AUTS2: variants seen among roughly 807,000 people sequenced by gnomAD.
AUTS2 encodes the protein activator of transcription and developmental regulator AUTS2, also known as autism susceptibility gene 2 protein.
AUTS2 carries 17 observed loss-of-function variants against 112.4 expected under a neutral mutation model. That is an observed-to-expected ratio of 0.15 (90% CI 0.10 to 0.23). The LOEUF (loss-of-function observed/expected upper bound fraction) is 0.23, where lower values mean the gene tolerates loss of function less well. Ranked by LOEUF, AUTS2 falls within the 10% of genes least tolerant of loss-of-function variation. AUTS2 has a pLI of 1.00. For missense variants in AUTS2, 1,510 were observed against 1,701.6 expected, an observed-to-expected ratio of 0.89 and a Z score of 1.98; for synonymous variants, 751 against 702.7, an observed-to-expected ratio of 1.07 and a Z score of -1.09.
At chr7:69,760,182 A>T (rs1399111168) in intron 1 of AUTS2, among the ~76,000 whole-genome samples, 1 of 150,000 alleles carries the variant, frequency 6.7e-6, no homozygotes, top group African/African-American at 2.5e-5. Context: ...ATTAAAAAAA[A>T]AAAGTTCTTT....
At chr7:69,997,386 T>C (rs926956242) in intron 2 of AUTS2, among the ~76,000 whole-genome samples, 1 of 152,206 alleles carries the variant, frequency 6.6e-6, no homozygotes, top group Non-Finnish European at 1.5e-5. Context: ...GAAATTAAAC[T>C]GACCATCTCA....
intron 1 of AUTS2, among the ~76,000 whole-genome samples, chr7:69,728,117 G>A (rs1786606916): frequency 2.6e-5 from 4 of 152,116 alleles, no homozygotes; most frequent in African/African-American, 4.8e-5. Context: ...GCCCCTACAC[G>A]AAAGAAATTG....
chr7:70,285,762 A>C (rs1788430241), intron 4 of AUTS2, among the ~76,000 whole-genome samples: 1 of 152,208 alleles, frequency 6.6e-6, no homozygotes, highest in Admixed American at 6.5e-5. Flanking sequence ...CCATTAGCAC[A>C]TGTATTCATT....
At chr7:70,175,905 C>T (rs1173929303) in intron 4 of AUTS2, among the ~76,000 whole-genome samples, 1 of 152,092 alleles carries the variant, frequency 6.6e-6, no homozygotes, top group African/African-American at 2.4e-5. Context: ...ACCAAAAGTT[C>T]ATGGGACTTG....
At chr7:70,538,829 T>A (rs1800428672) in intron 5 of AUTS2, among the ~76,000 whole-genome samples, 1 of 152,246 alleles carries the variant, frequency 6.6e-6, no homozygotes, top group Non-Finnish European at 1.5e-5. Flanking sequence ...ATAGATATGT[T>A]CTTTTCGTAG....
chr7:70,328,613 A>G (rs1790601457), intron 4 of AUTS2, among the ~76,000 whole-genome samples: 1 of 152,140 alleles, frequency 6.6e-6, no homozygotes, highest in South Asian at 2.1e-4. Context: ...GGTGGGCTAG[A>G]TGCTTGGAAG....
At chr7:69,747,635 A>T (rs527803873) in intron 1 of AUTS2, among the ~76,000 whole-genome samples, 2 of 152,278 alleles carry the variant, frequency 1.3e-5, no homozygotes, top group African/African-American at 4.8e-5. Context: ...TTTCAAATTC[A>T]GTTCTTTCTG....
intron 4 of AUTS2, among the ~76,000 whole-genome samples, chr7:70,164,316 C>T (rs1011759126): frequency 1.3e-5 from 2 of 152,000 alleles, no homozygotes; most frequent in Admixed American, 6.5e-5. Context: ...AAATGAAGTA[C>T]ATACTTTATT....
chr7:69,991,982 T>TA (rs1006829763), intron 2 of AUTS2, among the ~76,000 whole-genome samples: 1 of 152,232 alleles, frequency 6.6e-6, no homozygotes, highest in Non-Finnish European at 1.5e-5. Context: ...TGTGCATACT[T>TA]ATGTAAGTGT....
chr7:70,575,809 A>G (rs963349488), intron 5 of AUTS2, among the ~76,000 whole-genome samples: 4 of 152,162 alleles, frequency 2.6e-5, no homozygotes, highest in Non-Finnish European at 5.9e-5. Flanking sequence ...AGATACCATC[A>G]GGTTGTTGCG....
intron 5 of AUTS2, among the ~76,000 whole-genome samples, chr7:70,619,376 C>T (rs1057310550): frequency 1.1e-4 from 17 of 152,196 alleles, no homozygotes; most frequent in South Asian, 8.3e-4. Context: ...TGCGTGCAGC[C>T]GCTTCCTTTT....
At chr7:70,394,253 T>A (rs1305785905) in intron 4 of AUTS2, among the ~76,000 whole-genome samples, 1 of 152,212 alleles carries the variant, frequency 6.6e-6, no homozygotes, top group Admixed American at 6.5e-5. Context: ...CCAAAACTTA[T>A]CTTGAGTTTC....
rs34484649 is a variant in AUTS2 at position 70,088,527 on chromosome 7, C to CT, written c.523-29590dup. ...CCTGTATTCTACTTACTTTTGCTCT[C>CT]TTTTTTTTTTTTTTTAGTTTCTTAT... On this transcript the variant is annotated intron_variant, in intron 2 of 18. Coordinates refer to ENST00000342771, the MANE Select transcript of AUTS2 (RefSeq NM_015570.4). Among the ~76,000 whole-genome samples, 650 of 139,442 alleles carry CT rather than the reference C, an allele frequency of 4.7e-3. 8 individuals are homozygous for CT. Among genetic ancestry groups the CT allele is most frequent in the Non-Finnish European group, 5.7e-3 (363 of 64,054 alleles). The allele number at this position is 139,442 out of a possible 152,430, so 91.5% of individuals were successfully genotyped here.
chr7:70,505,510 C>T (rs1798926425), intron 5 of AUTS2, among the ~76,000 whole-genome samples: 1 of 152,216 alleles, frequency 6.6e-6, no homozygotes, highest in Non-Finnish European at 1.5e-5. Flanking sequence ...TGCACTTTCT[C>T]CTGGCCCCAT....
chr7:70,528,104 T>TATTA (rs1554421909), intron 5 of AUTS2, among the ~76,000 whole-genome samples: 4 of 121,082 alleles, frequency 3.3e-5, no homozygotes, highest in African/African-American at 1.4e-4. Flanking sequence ...TTTTTTTTTT[T>TATTA]TTTTTTTTTT....
chr7:70,064,808 C>T (rs1340666647), intron 2 of AUTS2, among the ~76,000 whole-genome samples: 3 of 152,148 alleles, frequency 2.0e-5, no homozygotes, highest in Admixed American at 2.0e-4. Context: ...CACTATTAGA[C>T]TTCCAAAACC....
intron 5 of AUTS2, among the ~76,000 whole-genome samples, chr7:70,440,462 A>G (rs1796081933): frequency 6.6e-6 from 1 of 152,150 alleles, no homozygotes. Context: ...CCTGGTCCAT[A>G]GTAACTGCTC....
intron 1 of AUTS2, among the ~76,000 whole-genome samples, chr7:69,858,579 G>A (rs1286911850): frequency 6.6e-6 from 1 of 152,186 alleles, no homozygotes; most frequent in Non-Finnish European, 1.5e-5. Flanking sequence ...CCCCTGCTGA[G>A]CTGCTTTGGG....
intron 2 of AUTS2, among the ~76,000 whole-genome samples, chr7:70,106,039 T>A (rs1804748472): frequency 6.6e-6 from 1 of 152,214 alleles, no homozygotes; most frequent in Admixed American, 6.5e-5. Context: ...AGTTGGGAAA[T>A]TCATGGTTCT....
Sources: gnomAD v4.1 joint callset for allele counts (sites outside exome capture counted in the v4.1 genomes callset) on GRCh38, gnomAD v4.1.1 for gene constraint, MANE v1.5 for transcripts, NCBI Gene and HGNC (gene_info 2026-07-23, HGNC 2026-07-21) for gene names.